PLSCR2: variants seen among roughly 807,000 people sequenced by gnomAD.
PLSCR2 encodes the protein PL scramblase 2.
A neutral mutation model predicts 25.3 loss-of-function variants in PLSCR2; 18 were observed. That is an observed-to-expected ratio of 0.71 (90% CI 0.49 to 1.06). The LOEUF is 1.06. PLSCR2 is among the 50% of genes least tolerant of loss of function. PLSCR2 has a pLI of 0.00. For missense variants in PLSCR2, 243 were observed against 269.5 expected (o/e 0.90, Z 0.69); for synonymous variants, 88 against 87.3 (o/e 1.01, Z -0.04).
At chr3:146,447,432 G>A (rs1221164200) in intron 6 of PLSCR2, among the ~76,000 whole-genome samples, 1 of 152,110 alleles carries the variant, frequency 6.6e-6, no homozygotes, top group Non-Finnish European at 1.5e-5. Flanking sequence ...AGCAGGACTG[G>A]GTCCTTCTCT....
At chr3:146,444,986 T>C (rs1269660054) in intron 6 of PLSCR2, among the ~76,000 whole-genome samples, 1 of 152,100 alleles carries the variant, frequency 6.6e-6, no homozygotes, top group Non-Finnish European at 1.5e-5. Flanking sequence ...CAACCCACTA[T>C]TTTAAACTCA....
chr3:146,425,416 T>C (rs1278369816), intron 2 of PLSCR2, among the ~76,000 whole-genome samples: 1 of 152,168 alleles, frequency 6.6e-6, no homozygotes, highest in African/African-American at 2.4e-5. Flanking sequence ...ATATTAACTC[T>C]GGTACTATGT....
intron 1 of PLSCR2, among the ~76,000 whole-genome samples, chr3:146,493,176 A>C (rs1346960808): frequency 4.6e-5 from 7 of 152,118 alleles, no homozygotes; most frequent in Non-Finnish European, 1.0e-4. Flanking sequence ...AAACCTACCA[A>C]CAAGAAAAAG....
chr3:146,404,003 C>T (rs186924081), intron 2 of PLSCR2, among the ~76,000 whole-genome samples: 349 of 152,238 alleles, frequency 2.3e-3, no homozygotes, highest in Non-Finnish European at 4.1e-3. Flanking sequence ...ATTTCATAAC[C>T]ATTTTTCCCA....
chr3:146,491,113 T>A (rs1325955059), intron 1 of PLSCR2, among the ~76,000 whole-genome samples: 9 of 152,084 alleles, frequency 5.9e-5, no homozygotes, highest in Admixed American at 5.2e-4. Context: ...GAAGCTCAAT[T>A]TGGGTGAATA....
At chr3:146,493,692 T>G (rs2043635156) in intron 1 of PLSCR2, among the ~76,000 whole-genome samples, 1 of 151,596 alleles carries the variant, frequency 6.6e-6, no homozygotes, top group African/African-American at 2.4e-5. Context: ...TTCAGCTGAG[T>G]AATTTTATTA....
upstream of PLSCR2, among the ~76,000 whole-genome samples, chr3:146,463,407 G>A (rs1416749062): frequency 6.6e-6 from 1 of 151,980 alleles, no homozygotes; most frequent in Non-Finnish European, 1.5e-5. Flanking sequence ...TGCCCGCGTC[G>A]GCCTCCCAAA....
At chr3:146,451,696 C>T (rs2040906155) in intron 5 of PLSCR2, among the ~76,000 whole-genome samples, 1 of 152,122 alleles carries the variant, frequency 6.6e-6, no homozygotes, top group African/African-American at 2.4e-5. Flanking sequence ...TGTCCCCATC[C>T]TCCGGAGATG....
In PLSCR2 at chr3:146,455,349, G is replaced by T. The variant is rs151030123; in HGVS notation, c.211C>A (p.Arg71=). 1.1e-4 allele frequency: 171 copies of T among 1,612,806 alleles called. 2 individuals carry two copies. In the East Asian group the frequency reaches 3.8e-3, roughly 36 times the overall value. ...ATCCTCAAGGTAAAAGGTCTAGACC[G>T]CCCACAGCAATTTCGGATACAGAAA... Residue 71 remains arginine (R), a synonymous_variant, in exon 4 of 7, where the codon CGG becomes AGG. Coordinates refer to ENST00000610787, the Ensembl canonical transcript of PLSCR2.
chr3:146,486,783 C>T (rs541805006), intron 1 of PLSCR2, among the ~76,000 whole-genome samples: 11 of 152,026 alleles, frequency 7.2e-5, no homozygotes, highest in African/African-American at 2.7e-4. Context: ...TTCCAAACAA[C>T]TGAAAGGAAG....
chr3:146,482,716 C>A (rs1347827801), intron 1 of PLSCR2, among the ~76,000 whole-genome samples: 2 of 152,122 alleles, frequency 1.3e-5, no homozygotes, highest in Non-Finnish European at 2.9e-5. Context: ...CCCAGCCATC[C>A]CATTACTGGG....
At chr3:146,488,861 C>T (rs1014337839) in intron 1 of PLSCR2, among the ~76,000 whole-genome samples, 9 of 151,942 alleles carry the variant, frequency 5.9e-5, no homozygotes, top group East Asian at 1.9e-4. Context: ...TAAAGATAAA[C>T]GCACATGTAT....
At chr3:146,456,788 T>G (rs150962206) in intron 3 of PLSCR2, among the ~76,000 whole-genome samples, 22 of 151,864 alleles carry the variant, frequency 1.4e-4, no homozygotes, top group African/African-American at 5.1e-4. Context: ...GACTTTCAAT[T>G]TGAGAAAAAA....
In PLSCR2 at chr3:146,459,975, A is replaced by T; in HGVS notation, c.-71T>A. The T allele has an allele frequency of 6.2e-7, 1 of 1,613,944 alleles. No homozygotes were observed. Among genetic ancestry groups the T allele is most frequent in the South Asian group, 1.1e-5 (1 of 91,056 alleles). ...GCCAGCTGTGCCAGCAGGTGGGACT[A>T]GGTAGTCATGCTGACGTCCTGGGTA... is the stretch of plus-strand genomic sequence containing the variant. On this transcript the variant is annotated 5_prime_UTR_variant, in exon 2 of 7. The change abolishes the stop of an existing upstream ORF in the 5' untranslated region. Transcript: ENST00000610787.
downstream of PLSCR2, among the ~76,000 whole-genome samples, chr3:146,431,740 G>A (rs1488359059): frequency 1.3e-5 from 2 of 151,858 alleles, no homozygotes; most frequent in Non-Finnish European, 2.9e-5. Context: ...AAAAGAATAC[G>A]AAGACTGGGG....
intron 1 of PLSCR2, among the ~76,000 whole-genome samples, chr3:146,482,597 G>C (rs192331995): frequency 1.4e-3 from 215 of 152,318 alleles, no homozygotes; most frequent in Non-Finnish European, 2.6e-3. Flanking sequence ...ATAGGATGTG[G>C]AGAAATAGGA....
intron 2 of PLSCR2, 28 bp from the exon 3 acceptor site, chr3:146,458,481 G>C (rs1367390878): frequency 1.5e-6 from 2 of 1,363,294 alleles, no homozygotes; most frequent in Non-Finnish European, 2.0e-6. Flanking sequence ...AAATGAAGTT[G>C]TATGTCAAAT....
chr3:146,398,250 TAGTA>T, intron 2 of PLSCR2, among the ~76,000 whole-genome samples: 1 of 151,996 alleles, frequency 6.6e-6, no homozygotes, highest in East Asian at 1.9e-4. Flanking sequence ...AGAAGTAAAT[TAGTA>T]AGCACCTAAA....
chr3:146,423,643 A>T (rs1211792449), intron 2 of PLSCR2, among the ~76,000 whole-genome samples: 1 of 152,074 alleles, frequency 6.6e-6, no homozygotes, highest in African/African-American at 2.4e-5. Flanking sequence ...AATGCTAATC[A>T]GGTACCCTTA....
Sources: allele counts gnomAD v4.1 joint callset (sites outside exome capture counted in the v4.1 genomes callset), GRCh38; gene constraint gnomAD v4.1.1; transcripts MANE v1.5; gene names NCBI Gene and HGNC (gene_info 2026-07-23, HGNC 2026-07-21).